RANBP2: variants seen among roughly 807,000 people sequenced by gnomAD.
RANBP2 encodes E3 SUMO-protein ligase RanBP2.
RANBP2 carries 57 observed loss-of-function variants against 303.6 expected under a neutral mutation model. That is an observed-to-expected ratio of 0.19 (90% CI 0.15 to 0.23). The LOEUF is 0.23. RANBP2 is among the 10% of genes least tolerant of loss of function. RANBP2 has a pLI of 1.00. For synonymous variants in RANBP2, 1,167 were observed against 1,301.5 expected (o/e 0.90, Z 2.23); for missense variants, 3,138 against 3,780.8 (o/e 0.83, Z 4.46).
chr2:109,468,444 C>T, the RANBP2 span, among the ~76,000 whole-genome samples: 1 of 152,196 alleles, frequency 6.6e-6, no homozygotes, highest in Non-Finnish European at 1.5e-5. Flanking sequence ...TTGACCAAAA[C>T]GTCCTTATGT....
the RANBP2 span, among the ~76,000 whole-genome samples, chr2:108,871,162 A>C: frequency 1.3e-5 from 2 of 152,144 alleles, no homozygotes; most frequent in East Asian, 3.9e-4. Context: ...CAGAAATGGC[A>C]TGCATTATAC....
At chr2:108,722,768 G>C (rs1228344009) in intron 1 of RANBP2, among the ~76,000 whole-genome samples, 2 of 151,328 alleles carry the variant, frequency 1.3e-5, no homozygotes, top group Non-Finnish European at 2.9e-5. Flanking sequence ...GGCAGCGCCT[G>C]TAGTCCCACC....
chr2:109,664,859 G>A, the RANBP2 span, among the ~76,000 whole-genome samples: 1 of 151,800 alleles, frequency 6.6e-6, no homozygotes, highest in Admixed American at 6.6e-5. Context: ...GAACCTGGGA[G>A]GTAGAGGTTT....
At chr2:109,545,298 C>A in the RANBP2 span, 2 of 1,435,726 alleles carry the variant, frequency 1.4e-6, no homozygotes, top group Non-Finnish European at 9.1e-7. Context: ...AGAAATAAAA[C>A]AAGGGACACA....
At chr2:109,426,022 C>T in the RANBP2 span, among the ~76,000 whole-genome samples, 1 of 152,176 alleles carries the variant, frequency 6.6e-6, no homozygotes, top group Admixed American at 6.5e-5. Context: ...CTCAGCCTTC[C>T]CGGTAGCTGG....
the RANBP2 span, among the ~76,000 whole-genome samples, chr2:109,480,694 G>A: frequency 6.6e-6 from 1 of 152,106 alleles, no homozygotes; most frequent in African/African-American, 2.4e-5. Flanking sequence ...AGCACACTGG[G>A]TACAGGCTCC....
the RANBP2 span, among the ~76,000 whole-genome samples, chr2:108,988,808 A>G: frequency 6.6e-6 from 1 of 152,254 alleles, no homozygotes; most frequent in Non-Finnish European, 1.5e-5. Context: ...CTGGTAGCGC[A>G]GACATACTGC....
chr2:108,873,488 T>C, the RANBP2 span: 1 of 1,608,530 alleles, frequency 6.2e-7, no homozygotes, highest in Non-Finnish European at 8.5e-7. Context: ...GTAGCAACTC[T>C]TTATTTTTTC....
the RANBP2 span, among the ~76,000 whole-genome samples, chr2:109,356,970 A>G: frequency 6.6e-6 from 1 of 152,170 alleles, no homozygotes; most frequent in African/African-American, 2.4e-5. Context: ...TCTGCAGCAC[A>G]GATGTCCTGT....
the RANBP2 span, among the ~76,000 whole-genome samples, chr2:109,045,110 A>G: frequency 6.6e-6 from 1 of 152,144 alleles, no homozygotes; most frequent in Non-Finnish European, 1.5e-5. Flanking sequence ...TCTGATTTAT[A>G]GTCTTGTTCT....
the RANBP2 span, among the ~76,000 whole-genome samples, chr2:109,120,900 T>G: frequency 6.6e-6 from 1 of 152,120 alleles, no homozygotes; most frequent in Non-Finnish European, 1.5e-5. Flanking sequence ...GGCAGCTTTG[T>G]CTACACAGTA....
chr2:108,936,095 G>A, the RANBP2 span, among the ~76,000 whole-genome samples: 5 of 152,220 alleles, frequency 3.3e-5, no homozygotes, highest in Non-Finnish European at 5.9e-5. Context: ...CAGCCTCCGG[G>A]ACTTCCCATT....
At chr2:108,813,844 A>G in the RANBP2 span, among the ~76,000 whole-genome samples, 9 of 152,272 alleles carry the variant, frequency 5.9e-5, no homozygotes, top group East Asian at 1.7e-3. Context: ...TGTTTGAGAC[A>G]TTTGGTCAGT....
the RANBP2 span, chr2:109,585,284 T>A: frequency 1.2e-5 from 19 of 1,609,942 alleles, no homozygotes; most frequent in Non-Finnish European, 1.6e-5. Context: ...TATTAAACAA[T>A]GTGTCAATCA....
chr2:109,030,585 C>CT, the RANBP2 span, among the ~76,000 whole-genome samples: 3 of 152,148 alleles, frequency 2.0e-5, no homozygotes, highest in African/African-American at 7.2e-5. Flanking sequence ...GTGGTGGCCT[C>CT]TTTGAGGATG....
At chr2:109,636,994 G>T in the RANBP2 span, among the ~76,000 whole-genome samples, 2 of 152,138 alleles carry the variant, frequency 1.3e-5, no homozygotes, top group Non-Finnish European at 2.9e-5. Context: ...CACCGGCACC[G>T]GTCTCTGAGT....
the RANBP2 span, among the ~76,000 whole-genome samples, chr2:109,698,473 A>T: frequency 6.6e-6 from 1 of 151,382 alleles, no homozygotes; most frequent in East Asian, 1.9e-4. Flanking sequence ...TTCAGAAAAA[A>T]AAAATACATA....
chr2:109,651,391 C>A, the RANBP2 span, among the ~76,000 whole-genome samples: 1 of 152,190 alleles, frequency 6.6e-6, no homozygotes, highest in Non-Finnish European at 1.5e-5. Context: ...TGTTCCATGA[C>A]ACCTACTCCT....
the RANBP2 span, among the ~76,000 whole-genome samples, chr2:109,230,538 C>A: frequency 6.6e-6 from 1 of 152,068 alleles, no homozygotes; most frequent in Non-Finnish European, 1.5e-5. Context: ...TGAGATAGTA[C>A]CACTGCACTC....
Sources: gnomAD v4.1 joint callset for allele counts (sites outside exome capture counted in the v4.1 genomes callset) on GRCh38, gnomAD v4.1.1 for gene constraint, MANE v1.5 for transcripts, NCBI Gene and HGNC (gene_info 2026-07-23, HGNC 2026-07-21) for gene names.